Variants in HSPBP1 observed in about 807,000 individuals in gnomAD.
HSPBP1 encodes the protein HSPA (Hsp70) binding protein 1, also known as hsp70-binding protein 1.
Under a neutral mutation model 41.7 loss-of-function variants are expected in HSPBP1, and 31 were observed. The observed-to-expected ratio is 0.74, with a 90% CI of 0.56 to 1.00. The LOEUF (loss-of-function observed/expected upper bound fraction) is 1.00. HSPBP1 is among the 50% of genes least tolerant of loss of function. HSPBP1 has a pLI of 0.00. For missense variants in HSPBP1, 439 were observed against 487.9 expected, an observed-to-expected ratio of 0.90 and a Z score of 0.94; for synonymous variants, 199 against 214.4, an observed-to-expected ratio of 0.93 and a Z score of 0.63.
rs377496908 is a variant in HSPBP1, at chr19:55,266,391, TCAC to T, written c.641-108_641-106del. On this transcript the variant is annotated intron_variant, in intron 4 of 7. Coordinates refer to ENST00000433386, the MANE Select transcript of HSPBP1 (RefSeq NM_012267.5). ...ACAACCACCATCACCAACATCATCA[TCAC>T]CACCATCACCACTATCTTCACCACC... The T allele has an allele frequency of 5.2e-4, 577 of 1,118,902 alleles. 3 individuals carry two copies. In the African/African-American group the frequency reaches 8.3e-3, roughly 16 times the overall value. 69.3% of individuals were successfully genotyped at this position (1,118,902 alleles called of 1,614,324 possible).
intron 4 of HSPBP1, 60 bp downstream of exon 4, chr19:55,274,338 C>CCCCCCCG: frequency 1.3e-6 from 1 of 776,850 alleles, no homozygotes; most frequent in Non-Finnish European, 2.0e-6. Flanking sequence ...TCCCGGGGGC[C>CCCCCCCG]CACCCGGCAC....
At chr19:55,267,391 T>TCTGC (rs2087815474) in intron 4 of HSPBP1, among the ~76,000 whole-genome samples, 1 of 151,962 alleles carries the variant, frequency 6.6e-6, no homozygotes, top group African/African-American at 2.4e-5. Flanking sequence ...CCTAAAGTGA[T>TCTGC]CCACCTGCCT....
In HSPBP1 at chr19:55,269,961, C is replaced by T. The variant is rs138487730; in HGVS notation, c.641-3675G>A. 1.6e-3 allele frequency among the ~76,000 whole-genome samples: 245 copies of T among 152,244 alleles called. 1 individual carries two copies. Among genetic ancestry groups the T allele is most frequent in the African/African-American group, 5.6e-3 (234 of 41,534 alleles). The stretch of plus-strand genomic sequence containing the variant: ...TTGGAGTGGCTCCACAGAGGGCGAG[C>T]GAGTCCATCCCCTCCTGTCCTGGGA... On this transcript the variant is annotated intron_variant, in intron 4 of 7. Transcript: ENST00000433386.
rs995871470 is a variant in HSPBP1 at position 55,270,739 on chromosome 19, C to T, written c.640+3659G>A. Among the ~76,000 whole-genome samples the T allele has an allele frequency of 1.3e-5, 2 of 151,662 alleles. No homozygotes were observed. Among genetic ancestry groups the T allele is most frequent in the Non-Finnish European group, 2.9e-5 (2 of 67,886 alleles). On this transcript the variant is annotated intron_variant, in intron 4 of 7. Transcript: ENST00000433386. This position sits in a 1 kb window ranked among gnomAD's most constrained non-coding sequence, Gnocchi z 5.4. Reference sequence around the variant, plus strand: ...CCACACACCCCGTATACACACACCACATCCACACATCCCACACACGCCATG... The same window carrying T: ...CCACACACCCCGTATACACACACCATATCCACACATCCCACACACGCCATG...
chr19:55,263,737 T>C (rs988904093), intron 7 of HSPBP1, among the ~76,000 whole-genome samples: 1 of 152,184 alleles, frequency 6.6e-6, no homozygotes, highest in South Asian at 2.1e-4. Context: ...AGAATTCACA[T>C]GCACCTTTGC....
chr19:55,274,352 C>CT lies in HSPBP1; in HGVS notation c.640+45_640+46insA, dbSNP rs762724956. The CT allele has an allele frequency of 2.6e-5, 15 of 566,276 alleles. No homozygotes were observed. The East Asian group carries it at 4.4e-4, about 16-fold the overall frequency. The allele number at this position is 566,276 out of a possible 1,614,324, so 35.1% of individuals were successfully genotyped here. On this transcript the variant is annotated intron_variant, in intron 4 of 7. Transcript: ENST00000433386. ...ATCCCGGGGGCCCACCCGGCACCCC[C>CT]CCCCACCGCCAGCACCCCTGTCCCC...
At chr19:55,279,312 C>T (rs1282967979) in intron 2 of HSPBP1, 87 bp downstream of exon 2, 10 of 1,202,492 alleles carry the variant, frequency 8.3e-6, no homozygotes, top group Non-Finnish European at 1.2e-5. Flanking sequence ...CCCTAGTCTT[C>T]TTGTGGCTCC....
In HSPBP1 at chr19:55,262,311, C is replaced by T. The variant is rs1421839284; in HGVS notation, c.*297G>A. 15 of 1,182,474 alleles carry T rather than the reference C, an allele frequency of 1.3e-5. No homozygotes were observed. The highest frequency in any genetic ancestry group is 1.5e-5 in the Non-Finnish European group (14 of 942,814). The allele number at this position is 1,182,474 out of a possible 1,614,324, so 73.2% of individuals were successfully genotyped here. A position where few individuals can be genotyped will look rare whatever the true frequency, so the allele number is the denominator to read the frequency against. ...GCCCCTCCTCCCGTCCCCCATGCAC[C>T]CTCCAAAGGAGATGACAAAGGCGGC... On this transcript the variant is annotated 3_prime_UTR_variant, in exon 8 of 8. Transcript: ENST00000433386.
chr19:55,275,287 G>T (rs1054912483), intron 3 of HSPBP1, among the ~76,000 whole-genome samples: 1 of 152,156 alleles, frequency 6.6e-6, no homozygotes, highest in African/African-American at 2.4e-5. Context: ...ATTGGAGAGC[G>T]TGGCAGTTCC....
rs367976956 is a variant in HSPBP1 at position 55,265,985 on chromosome 19, G to A, written c.797-3C>T. ...CATCCCCATGGAGCACAGGGTCCCT[G>A]GGGGGAGGGCTGCAGGGGTCAGAGG... On this transcript the variant is annotated splice_region_variant and splice_polypyrimidine_tract_variant and intron_variant, in intron 5 of 7. Transcript: ENST00000433386. The A allele has an allele frequency of 8.1e-6, 13 of 1,596,412 alleles. No individual in the cohort carries two copies. The highest frequency in any genetic ancestry group is 1.0e-5 in the Non-Finnish European group (12 of 1,173,062).
At position 55,262,485 on chromosome 19, in the gene HSPBP1, G is replaced by A; in HGVS notation, c.*123C>T. ...CCTTCCAGGGACTGCACAGAGACGG[G>A]CTGGCACACCCTGGGTCCAGGCACC... On this transcript the variant is annotated 3_prime_UTR_variant, in exon 8 of 8. Coordinates refer to ENST00000433386, the MANE Select transcript of HSPBP1 (RefSeq NM_012267.5). 1.3e-6 allele frequency: 2 copies of A among 1,491,030 alleles called. No individual in the cohort carries two copies. The highest frequency in any genetic ancestry group is 1.4e-5 in the African/African-American group (1 of 71,876). The allele number at this position is 1,491,030 out of a possible 1,614,324, so 92.4% of individuals were successfully genotyped here. A position where few individuals can be genotyped will look rare whatever the true frequency, so the allele number is the denominator to read the frequency against.
intron 3 of HSPBP1, among the ~76,000 whole-genome samples, chr19:55,276,924 GC>G (rs1473431632): frequency 2.0e-5 from 3 of 152,098 alleles, no homozygotes; most frequent in Non-Finnish European, 4.4e-5. Context: ...TCTCGGCCCA[GC>G]CTGCGTACAA....
chr19:55,274,173 G>A (rs1280018316), intron 4 of HSPBP1, among the ~76,000 whole-genome samples: 2 of 152,156 alleles, frequency 1.3e-5, no homozygotes, highest in East Asian at 3.9e-4. Context: ...AGGGCCAGGT[G>A]GTCTCCCCGG....
intron 4 of HSPBP1, among the ~76,000 whole-genome samples, chr19:55,267,433 G>A (rs959554176): frequency 3.3e-5 from 5 of 150,548 alleles, no homozygotes; most frequent in African/African-American, 1.2e-4. Flanking sequence ...TTACAGGCAT[G>A]AGCCATTGCG....
At chr19:55,273,389 G>A (rs1029461381) in intron 4 of HSPBP1, among the ~76,000 whole-genome samples, 2 of 152,126 alleles carry the variant, frequency 1.3e-5, no homozygotes, top group Non-Finnish European at 2.9e-5. Context: ...GAGTCCAGTT[G>A]GGGCGCTAGT....
chr19:55,278,923 CAAAAAA>C (rs34254075), intron 2 of HSPBP1, among the ~76,000 whole-genome samples: 2 of 90,654 alleles, frequency 2.2e-5, no homozygotes, highest in African/African-American at 4.2e-5. Context: ...CTGCCCCCAC[CAAAAAA>C]AAAAAAAAAA....
At chr19:55,264,865 C>T (rs373676277) in intron 7 of HSPBP1, among the ~76,000 whole-genome samples, 18 of 152,246 alleles carry the variant, frequency 1.2e-4, no homozygotes, top group South Asian at 4.1e-4. Flanking sequence ...CCTGAACCAG[C>T]GGACCCAGGA....
At chr19:55,265,210 C>T (rs2087742295) in intron 7 of HSPBP1, 68 bp downstream of exon 7, 3 of 1,030,796 alleles carry the variant, frequency 2.9e-6, no homozygotes, top group Non-Finnish European at 4.3e-6. Context: ...ACACCTAGTC[C>T]TCCTGGAGCC....
In HSPBP1 at chr19:55,262,457, G is replaced by C; in HGVS notation, c.*151C>G. 7.0e-7 allele frequency: 1 copy of C among 1,430,422 alleles called. No individual in the cohort carries two copies. Among genetic ancestry groups the C allele is most frequent in the Non-Finnish European group, 9.2e-7 (1 of 1,092,236 alleles). The allele number at this position is 1,430,422 out of a possible 1,614,324, so 88.6% of individuals were successfully genotyped here. On this transcript the variant is annotated 3_prime_UTR_variant, in exon 8 of 8. Coordinates refer to ENST00000433386, the MANE Select transcript of HSPBP1 (RefSeq NM_012267.5). ...CCAAGGAGCTGGTGCCTTTCTCAGC[G>C]CCCCTTCCAGGGACTGCACAGAGAC...
Sources: allele counts gnomAD v4.1 joint callset (sites outside exome capture counted in the v4.1 genomes callset), GRCh38; gene constraint gnomAD v4.1.1; non-coding constraint Gnocchi (gnomAD v3.1); transcripts MANE v1.5; gene names NCBI Gene and HGNC (gene_info 2026-07-23, HGNC 2026-07-21).